Variants in PARVA observed in about 807,000 individuals in gnomAD.
The protein encoded by PARVA is parvin alpha, also known as alpha-parvin.
Under a neutral mutation model 52.6 loss-of-function variants are expected in PARVA, and 25 were observed. That is an observed-to-expected ratio of 0.48 (90% CI 0.35 to 0.66). The LOEUF (loss-of-function observed/expected upper bound fraction) is 0.66. Among genes scored for constraint, PARVA ranks in the 30% least tolerant of loss-of-function variants. The pLI is 0.01. For synonymous variants in PARVA, 185 were observed against 179.1 expected (o/e 1.03, Z -0.26); for missense variants, 373 against 450.9 (o/e 0.83, Z 1.56).
rs941380346 is a variant in PARVA at position 12,531,240 on chromosome 11, A to C, written c.*3315A>C. On this transcript the variant is annotated 3_prime_UTR_variant, in exon 13 of 13. Coordinates refer to ENST00000334956, the MANE Select transcript of PARVA (RefSeq NM_018222.5). ...TCCCGATCTGGGAGAAGGCTTCTTT[A>C]TCAGCACATCATCAGTGTTGCCTCG... Among the ~76,000 whole-genome samples the C allele has an allele frequency of 1.3e-5, 2 of 152,238 alleles. No individual in the cohort carries two copies.
At chr11:12,475,883 A>G (rs937608298) in intron 3 of PARVA, among the ~76,000 whole-genome samples, 1 of 152,162 alleles carries the variant, frequency 6.6e-6, no homozygotes, top group African/African-American at 2.4e-5. Flanking sequence ...GCCCCTGCCC[A>G]GTGAGACCCT....
chr11:12,488,708 C>G (rs1941193744), intron 4 of PARVA, among the ~76,000 whole-genome samples: 1 of 152,200 alleles, frequency 6.6e-6, no homozygotes. Flanking sequence ...CTTCAGATAA[C>G]TCCTCATCAA....
chr11:12,391,073 C>A (rs1451875204), intron 1 of PARVA, among the ~76,000 whole-genome samples: 1 of 152,108 alleles, frequency 6.6e-6, no homozygotes, highest in Non-Finnish European at 1.5e-5. Flanking sequence ...CCATGGCCAT[C>A]ATTACAGTAA....
At chr11:12,406,551 C>G (rs1211841431) in intron 1 of PARVA, among the ~76,000 whole-genome samples, 1 of 151,758 alleles carries the variant, frequency 6.6e-6, no homozygotes, top group Admixed American at 6.6e-5. Context: ...CCCGTAACAC[C>G]AAACGTTCTA....
chr11:12,469,706 T>G (rs1940906002), intron 1 of PARVA, among the ~76,000 whole-genome samples: 1 of 152,234 alleles, frequency 6.6e-6, no homozygotes, highest in South Asian at 2.1e-4. Context: ...GGAATGGGAA[T>G]GATGTTCCTG....
At position 12,484,743 on chromosome 11, in the gene PARVA, A is replaced by G. The variant is rs530570264; in HGVS notation, c.400+6794A>G. Among the ~76,000 whole-genome samples the G allele has an allele frequency of 7.3e-5, 11 of 151,314 alleles. No individual in the cohort carries two copies. The South Asian group carries it at 2.1e-3, about 29-fold the overall frequency. ...CTGGTAGTATACAGGTCTGTAAGAGATCAAGTAGGAGTTTGGGAAAGGTTT... is the reference window on the plus strand; with the variant it reads ...CTGGTAGTATACAGGTCTGTAAGAGGTCAAGTAGGAGTTTGGGAAAGGTTT... On this transcript the variant is annotated intron_variant, in intron 4 of 12. Coordinates refer to ENST00000334956, the MANE Select transcript of PARVA (RefSeq NM_018222.5).
chr11:12,423,424 C>T (rs536341351), intron 1 of PARVA, among the ~76,000 whole-genome samples: 27 of 149,182 alleles, frequency 1.8e-4, no homozygotes, highest in African/African-American at 6.2e-4. Context: ...CTCCTGGGCT[C>T]AAGCAGTCTG....
intron 12 of PARVA, among the ~76,000 whole-genome samples, chr11:12,520,689 C>G (rs1365565199): frequency 1.8e-4 from 28 of 152,200 alleles, no homozygotes; most frequent in Non-Finnish European, 4.4e-5. Flanking sequence ...GAAGCTCACA[C>G]CTGTAATCCC....
At chr11:12,489,817 C>T (rs750554852) in intron 4 of PARVA, among the ~76,000 whole-genome samples, 2 of 152,310 alleles carry the variant, frequency 1.3e-5, no homozygotes, top group South Asian at 2.1e-4. Flanking sequence ...GATATTAATA[C>T]TGAAGATATC....
chr11:12,532,471 C>T lies in PARVA; in HGVS notation c.*4546C>T, dbSNP rs550759180. Among the ~76,000 whole-genome samples, 58 of 152,236 alleles carry T rather than the reference C, an allele frequency of 3.8e-4. 1 individual carries two copies. Among genetic ancestry groups the T allele is most frequent in the Middle Eastern group, 6.8e-3 (2 of 294 alleles). On this transcript the variant is annotated 3_prime_UTR_variant, in exon 13 of 13. Coordinates refer to ENST00000334956, the MANE Select transcript of PARVA (RefSeq NM_018222.5). ...CTGAGAAATTTCTAGGATGAGTACT[C>T]TGAACTCAGGACTTCATTTAGTCAT...
chr11:12,485,015 T>C (rs1941141479), intron 4 of PARVA, among the ~76,000 whole-genome samples: 2 of 152,020 alleles, frequency 1.3e-5, no homozygotes, highest in Non-Finnish European at 2.9e-5. Context: ...AATTTCACCA[T>C]GTTGCCCAAG....
chr11:12,380,181 C>T (rs1400615509), intron 1 of PARVA, among the ~76,000 whole-genome samples: 1 of 151,382 alleles, frequency 6.6e-6, no homozygotes, highest in Non-Finnish European at 1.5e-5. Flanking sequence ...AGGGTCCCTG[C>T]AGGAAAAAGA....
At chr11:12,517,303 A>ACCCCCCCCCCCCCCCCCC (rs1564869136) in intron 10 of PARVA, among the ~76,000 whole-genome samples, 2 of 112,486 alleles carry the variant, frequency 1.8e-5, no homozygotes, top group African/African-American at 7.0e-5. Flanking sequence ...AGCCACACTG[A>ACCCCCCCCCCCCCCCCCC]CCACCCCCCA....
At chr11:12,497,797 G>A (rs912992543) in intron 5 of PARVA, among the ~76,000 whole-genome samples, 1 of 152,088 alleles carries the variant, frequency 6.6e-6, no homozygotes, top group African/African-American at 2.4e-5. Flanking sequence ...GGCAGGGCAG[G>A]GAGGTTGATG....
intron 1 of PARVA, among the ~76,000 whole-genome samples, chr11:12,395,699 A>T (rs1360686307): frequency 6.6e-6 from 1 of 152,248 alleles, no homozygotes; most frequent in African/African-American, 2.4e-5. Context: ...CCTGAGTCCC[A>T]GGTGAAGCTT....
intron 1 of PARVA, among the ~76,000 whole-genome samples, chr11:12,386,953 A>G (rs2134949060): frequency 6.6e-6 from 1 of 152,352 alleles, no homozygotes; most frequent in East Asian, 1.9e-4. Context: ...CCCCGGCCCA[A>G]GGACACCTCC....
In PARVA at chr11:12,424,112, T is replaced by G. The variant is rs548052573; in HGVS notation, c.136+46329T>G. On this transcript the variant is annotated intron_variant, in intron 1 of 12. Transcript: ENST00000334956. ...TAACTTTGTTTCTTTAGGTATTCCT[T>G]TATTTTTCCCATTATAATTGTATTA... 1.7e-3 allele frequency among the ~76,000 whole-genome samples: 254 copies of G among 152,286 alleles called. 1 individual carries two copies. The highest frequency in any genetic ancestry group is 5.7e-3 in the African/African-American group (237 of 41,578).
intron 1 of PARVA, among the ~76,000 whole-genome samples, chr11:12,439,884 C>G (rs1465706565): frequency 1.3e-5 from 2 of 152,236 alleles, no homozygotes; most frequent in African/African-American, 4.8e-5. Context: ...TTCAAATCCT[C>G]CTTATGCACA....
intron 7 of PARVA, 21 bp downstream of exon 7, chr11:12,508,663 C>T (rs762631075): frequency 2.2e-5 from 34 of 1,558,242 alleles, no homozygotes; most frequent in Middle Eastern, 3.3e-4. Context: ...ACCATTGTTG[C>T]CAGCGATTCT....
Sources: allele counts gnomAD v4.1 joint callset (sites outside exome capture counted in the v4.1 genomes callset), GRCh38; gene constraint gnomAD v4.1.1; transcripts MANE v1.5; gene names NCBI Gene and HGNC (gene_info 2026-07-23, HGNC 2026-07-21).